The following MAPK10 variants were observed in gnomAD, a reference collection of about 807,000 sequenced individuals.
The protein encoded by MAPK10 is mitogen-activated protein kinase 10, also known as JNK3 alpha protein kinase.
A neutral mutation model predicts 59.3 loss-of-function variants in MAPK10; 25 were observed. The ratio of observed to expected loss-of-function variants is 0.42; its 90% CI spans 0.31 to 0.59. MAPK10 has a LOEUF of 0.59. Ranked by LOEUF, MAPK10 falls within the 20% of genes least tolerant of loss-of-function variation. MAPK10 has a pLI of 0.15. For synonymous variants in MAPK10, 190 were observed against 200.5 expected, an observed-to-expected ratio of 0.95 and a Z score of 0.44; for missense variants, 351 against 568.9, an observed-to-expected ratio of 0.62 and a Z score of 3.90.
chr4:86,495,702 T>C (rs933305837), intron 1 of MAPK10, among the ~76,000 whole-genome samples: 1 of 152,178 alleles, frequency 6.6e-6, no homozygotes, highest in Admixed American at 6.5e-5. Context: ...CATGTTCCAT[T>C]TTCCTCTCCC....
At chr4:86,392,197 G>T (rs964184261) in intron 1 of MAPK10, 7 of 152,484 alleles carry the variant, frequency 4.6e-5, no homozygotes, top group African/African-American at 1.7e-4. Flanking sequence ...CCAGCACTTT[G>T]GGAGGCCAAG....
chr4:86,030,356 A>C (rs1403623209), intron 12 of MAPK10, among the ~76,000 whole-genome samples: 4 of 152,012 alleles, frequency 2.6e-5, no homozygotes, highest in African/African-American at 9.7e-5. Context: ...AGAGAGGCAG[A>C]GACTTTCTCT....
intron 2 of MAPK10, among the ~76,000 whole-genome samples, chr4:86,309,307 T>A (rs1483753892): frequency 6.6e-6 from 1 of 152,134 alleles, no homozygotes; most frequent in African/African-American, 2.4e-5. Context: ...TTTCCATCGC[T>A]GGGGCAGGCA....
intron 1 of MAPK10, among the ~76,000 whole-genome samples, chr4:86,435,212 T>C (rs961279994): frequency 2.0e-5 from 3 of 152,106 alleles, no homozygotes; most frequent in African/African-American, 7.2e-5. Flanking sequence ...ATGGCAAAGA[T>C]GAGGCCAGGC....
intron 10 of MAPK10, chr4:86,065,612 T>C (rs1268811305): frequency 6.6e-6 from 1 of 152,248 alleles, no homozygotes; most frequent in Admixed American, 6.5e-5. Flanking sequence ...GGTATACACA[T>C]GCCATAGTGG....
chr4:86,301,038 T>C (rs2095463269), intron 2 of MAPK10, among the ~76,000 whole-genome samples: 1 of 152,150 alleles, frequency 6.6e-6, no homozygotes. Flanking sequence ...ATGGATATTT[T>C]GTGCTGAAAC....
intron 9 of MAPK10, chr4:86,090,276 G>A (rs1192714121): frequency 2.6e-5 from 4 of 152,194 alleles, no homozygotes; most frequent in African/African-American, 7.2e-5. Context: ...CATTAAGATA[G>A]CAGCACAATA....
At chr4:86,498,285 A>C (rs77983379) in intron 1 of MAPK10, among the ~76,000 whole-genome samples, 9,362 of 152,320 alleles carry the variant, frequency 0.061, 366 homozygotes, top group African/African-American at 0.078. Flanking sequence ...TTTCTGGTGC[A>C]GTCCTAGGAA....
intron 4 of MAPK10, among the ~76,000 whole-genome samples, chr4:86,137,436 T>C: frequency 7.3e-6 from 1 of 136,590 alleles, no homozygotes; most frequent in East Asian, 2.1e-4. Context: ...GAATGACTAC[T>C]GGGTACATAA....
intron 1 of MAPK10, among the ~76,000 whole-genome samples, chr4:86,514,258 C>T (rs1410573315): frequency 6.6e-6 from 1 of 152,156 alleles, no homozygotes; most frequent in Non-Finnish European, 1.5e-5. Flanking sequence ...GTTATCACAA[C>T]CCTACACACA....
intron 9 of MAPK10, among the ~76,000 whole-genome samples, chr4:86,073,339 A>C (rs1211297810): frequency 6.6e-6 from 1 of 151,706 alleles, no homozygotes; most frequent in Non-Finnish European, 1.5e-5. Flanking sequence ...CCTTTCAAAA[A>C]ACCAGCTCCT....
chr4:86,488,719 G>A (rs1307399670), intron 1 of MAPK10, among the ~76,000 whole-genome samples: 3 of 152,184 alleles, frequency 2.0e-5, no homozygotes, highest in Non-Finnish European at 4.4e-5. Flanking sequence ...AGGCTCCGAA[G>A]TAGACAAAGA....
intron 1 of MAPK10, among the ~76,000 whole-genome samples, chr4:86,382,390 A>T (rs1211947983): frequency 6.6e-6 from 1 of 152,122 alleles, no homozygotes; most frequent in African/African-American, 2.4e-5. Flanking sequence ...TGACTTGTTA[A>T]ATTAAGCTTT....
chr4:86,449,425 A>G (rs1318155525), intron 1 of MAPK10, among the ~76,000 whole-genome samples: 1 of 152,234 alleles, frequency 6.6e-6, no homozygotes, highest in Non-Finnish European at 1.5e-5. Flanking sequence ...TAAGACCACC[A>G]ATGGTTTCAG....
chr4:86,410,794 T>C (rs931699588), intron 1 of MAPK10, among the ~76,000 whole-genome samples: 5 of 152,178 alleles, frequency 3.3e-5, no homozygotes, highest in African/African-American at 4.8e-5. Flanking sequence ...TCTTATCTCT[T>C]TTCTTCTTTA....
intron 10 of MAPK10, chr4:86,064,747 T>C (rs1310035934): frequency 5.4e-6 from 1 of 186,682 alleles, no homozygotes; most frequent in Non-Finnish European, 1.1e-5. Flanking sequence ...TGCAAATGCA[T>C]GATGTTCAAC....
chr4:86,420,639 A>G (rs1407144164), intron 1 of MAPK10, among the ~76,000 whole-genome samples: 1 of 152,090 alleles, frequency 6.6e-6, no homozygotes, highest in African/African-American at 2.4e-5. Flanking sequence ...AATACAAAAT[A>G]TTACCCAGGC....
At position 86,101,102 on chromosome 4, in the gene MAPK10, C is replaced by T. The variant is rs752620406; in HGVS notation, c.680G>A (p.Arg227His). Reference sequence around the variant, plus strand: ...GATGACCTCAGGGGCTCTGTAATAACGTGTCACCACATATGGAGTCATCAT... The same window carrying T: ...GATGACCTCAGGGGCTCTGTAATAATGTGTCACCACATATGGAGTCATCAT... ...SFMMTPYVVT[R>H]YYRAPEVILG... The change falls in exon 8 of 14, where the codon CGT (arginine) becomes CAT (histidine). Residue 227 changes from arginine to histidine, a missense_variant. Around this residue, in one of 5 missense-constraint regions of MAPK10, gnomAD observed 76 missense variants for 197.9 expected, o/e 0.38. Coordinates refer to ENST00000641462, the MANE Select transcript of MAPK10 (RefSeq NM_138982.4). The T allele has an allele frequency of 6.2e-6, 10 of 1,613,986 alleles. No homozygotes were observed. The highest frequency in any genetic ancestry group is 2.2e-5 in the South Asian group (2 of 91,088).
rs567082292 is a variant in MAPK10, at chr4:86,470,675, T to C, written c.-262-116031A>G. Among the ~76,000 whole-genome samples, 4 of 152,274 alleles carry C rather than the reference T, an allele frequency of 2.6e-5. No individual in the cohort carries two copies. In the South Asian group the frequency reaches 8.3e-4, roughly 32 times the overall value. On this transcript the variant is annotated intron_variant, in intron 1 of 4. Coordinates refer to the MAPK10 transcript ENST00000502302. ...ATTCTATATCTTGCTACTTCTTTAT[T>C]CTCCCTTTGCAGCCAAAGGGATTCA...
Sources: allele counts gnomAD v4.1 joint callset (sites outside exome capture counted in the v4.1 genomes callset), GRCh38; gene constraint gnomAD v4.1.1; regional missense constraint gnomAD v4.1.1; transcripts MANE v1.5; gene names NCBI Gene and HGNC (gene_info 2026-07-23, HGNC 2026-07-21).